Variants in SH3PXD2A observed in about 807,000 individuals in gnomAD.
SH3PXD2A encodes SH3 and PX domains 2A, also known as SH3 and PX domain-containing protein 2A.
SH3PXD2A carries 32 observed loss-of-function variants against 115.2 expected under a neutral mutation model. That is an observed-to-expected ratio of 0.28 (90% CI 0.21 to 0.37). The LOEUF (loss-of-function observed/expected upper bound fraction) is 0.37. Among genes scored for constraint, SH3PXD2A ranks in the 10% least tolerant of loss-of-function variants. The pLI is 1.00. For synonymous variants in SH3PXD2A, 610 were observed against 629.1 expected, an observed-to-expected ratio of 0.97 and a Z score of 0.45; for missense variants, 1,328 against 1,498.7, an observed-to-expected ratio of 0.89 and a Z score of 1.88.
At position 103,698,978 on chromosome 10, in the gene SH3PXD2A, C is replaced by T. The variant is rs116907027; in HGVS notation, c.399-5922G>A. Reference sequence around the variant, plus strand: ...CTGGGCAGTGAGGGTAGTGGGTGGACGGGCCAGGAAAGGCAAGGCTGAGCA... The same window carrying T: ...CTGGGCAGTGAGGGTAGTGGGTGGATGGGCCAGGAAAGGCAAGGCTGAGCA... On this transcript the variant is annotated intron_variant, in intron 5 of 14. Transcript: ENST00000369774. Among the ~76,000 whole-genome samples the T allele has an allele frequency of 3.3e-4, 50 of 152,084 alleles. No homozygotes were observed. The East Asian group carries it at 8.0e-3, about 24-fold the overall frequency.
At chr10:103,744,918 C>T (rs951175798) in intron 3 of SH3PXD2A, among the ~76,000 whole-genome samples, 1 of 152,210 alleles carries the variant, frequency 6.6e-6, no homozygotes, top group Non-Finnish European at 1.5e-5. Context: ...TATTACAGTG[C>T]CCGATTTTCT....
intron 8 of SH3PXD2A, among the ~76,000 whole-genome samples, chr10:103,636,672 T>A (rs959440728): frequency 6.6e-6 from 1 of 151,846 alleles, no homozygotes; most frequent in African/African-American, 2.4e-5. Context: ...AGGGCCAGAG[T>A]CAGGCCAGCT....
At chr10:103,696,142 G>GT in intron 5 of SH3PXD2A, among the ~76,000 whole-genome samples, 2 of 152,240 alleles carry the variant, frequency 1.3e-5, no homozygotes, top group Non-Finnish European at 1.5e-5. Flanking sequence ...GGTCCTGGCA[G>GT]TGGGGGTCAC....
intron 4 of SH3PXD2A, among the ~76,000 whole-genome samples, chr10:103,733,427 C>A (rs1169633770): frequency 1.3e-5 from 2 of 152,210 alleles, no homozygotes; most frequent in Non-Finnish European, 2.9e-5. Flanking sequence ...CCGCCCTATG[C>A]CCCCTCCTCC....
Position 103,784,421 on chromosome 10 carries a change from G to A in SH3PXD2A, c.153+16861C>T, listed in dbSNP as rs575705246. Among the ~76,000 whole-genome samples the A allele has an allele frequency of 3.2e-4, 48 of 152,354 alleles. 2 individuals are homozygous for A. The South Asian group carries it at 9.5e-3, about 30-fold the overall frequency. ...ACACGCAGACCCAAGGCAGGAGGAAGGGAATGTAGCATTGACCAGACACCT... is the reference window on the plus strand; with the variant it reads ...ACACGCAGACCCAAGGCAGGAGGAAAGGAATGTAGCATTGACCAGACACCT... On this transcript the variant is annotated intron_variant, in intron 2 of 14. Transcript: ENST00000369774. The surrounding 1 kb of genome is among the most constrained non-coding windows in gnomAD (Gnocchi z 4.4).
At position 103,770,613 on chromosome 10, in the gene SH3PXD2A, A is replaced by T. The variant is rs1314828778; in HGVS notation, c.154-3444T>A. On this transcript the variant is annotated intron_variant, in intron 2 of 14. Transcript: ENST00000369774. ...TTTGCTCTGGAGTCTGAGCTCAGAG[A>T]TTTGCTTTCGTTGAAAGCTGACCTG... 2.0e-5 allele frequency among the ~76,000 whole-genome samples: 3 copies of T among 152,094 alleles called. No homozygotes were observed. The East Asian group carries it at 5.8e-4, about 29-fold the overall frequency.
chr10:103,836,682 T>TACACACACACACAC lies in SH3PXD2A; in HGVS notation c.72+18499_72+18512dup, dbSNP rs55855121. On this transcript the variant is annotated intron_variant, in intron 1 of 14. Transcript: ENST00000369774. Reference sequence around the variant, plus strand: ...CACACACTCCACACTCACAGACATGTACACACACACACACACACACACACC... The same window carrying TACACACACACACAC: ...CACACACTCCACACTCACAGACATGTACACACACACACACACACACACACACACACACACACACC... Among the ~76,000 whole-genome samples the TACACACACACACAC allele has an allele frequency of 2.0e-3, 294 of 148,872 alleles. 1 individual carries two copies. Among genetic ancestry groups the TACACACACACACAC allele is most frequent in the African/African-American group, 6.0e-3 (243 of 40,446 alleles).
intron 2 of SH3PXD2A, among the ~76,000 whole-genome samples, chr10:103,793,750 A>T (rs1369092326): frequency 6.6e-6 from 1 of 152,224 alleles, no homozygotes; most frequent in African/African-American, 2.4e-5. Flanking sequence ...CTGTGGCCTC[A>T]TCGCTTTAGT....
intron 5 of SH3PXD2A, among the ~76,000 whole-genome samples, chr10:103,711,561 A>G (rs1306674118): frequency 2.6e-5 from 4 of 152,222 alleles, no homozygotes; most frequent in Non-Finnish European, 5.9e-5. Flanking sequence ...AGGGCCAGGC[A>G]GACCTCGTCC....
chr10:103,772,777 C>T (rs976503817), intron 2 of SH3PXD2A, among the ~76,000 whole-genome samples: 1 of 152,202 alleles, frequency 6.6e-6, no homozygotes, highest in Non-Finnish European at 1.5e-5. Context: ...CGGCTCCTCG[C>T]CCCTCCCAGA....
Position 103,787,755 on chromosome 10 carries a change from TC to T in SH3PXD2A, c.153+13526del, listed in dbSNP as rs111254565. Among the ~76,000 whole-genome samples the T allele has an allele frequency of 9.0e-3, 1,376 of 152,282 alleles. 24 individuals carry two copies. The highest frequency in any genetic ancestry group is 0.031 in the African/African-American group (1,305 of 41,574). On this transcript the variant is annotated intron_variant, in intron 2 of 14. Coordinates refer to ENST00000369774, the MANE Select transcript of SH3PXD2A (RefSeq NM_001394015.1). ...CTTAGCTCCAGCCCAAACACCAGCC[TC>T]ATTCTTCCTGTTTGGCAAAAAACAA... is the stretch of plus-strand genomic sequence containing the variant.
chr10:103,703,641 A>G (rs1228783736), intron 5 of SH3PXD2A, among the ~76,000 whole-genome samples: 1 of 152,236 alleles, frequency 6.6e-6, no homozygotes, highest in African/African-American at 2.4e-5. Context: ...AATAGTCTCT[A>G]TCTGTCCTGT....
intron 6 of SH3PXD2A, among the ~76,000 whole-genome samples, chr10:103,687,581 C>A (rs1382777007): frequency 6.6e-6 from 1 of 152,188 alleles, no homozygotes; most frequent in Non-Finnish European, 1.5e-5. Flanking sequence ...CCAGAGCCCA[C>A]ATCCTATCTC....
chr10:103,804,917 T>A (rs1213978255), intron 1 of SH3PXD2A, among the ~76,000 whole-genome samples: 2 of 152,132 alleles, frequency 1.3e-5, no homozygotes, highest in Non-Finnish European at 2.9e-5. Flanking sequence ...CCTGCATCTC[T>A]GCTTCCCACA....
At chr10:103,823,113 G>T (rs2039397535) in intron 1 of SH3PXD2A, among the ~76,000 whole-genome samples, 1 of 152,208 alleles carries the variant, frequency 6.6e-6, no homozygotes, top group Admixed American at 6.5e-5. Flanking sequence ...ATTCACAAAA[G>T]TGTGTCAAGT....
rs935415746 is a variant in SH3PXD2A at position 103,684,759 on chromosome 10, C to T, written c.427+8269G>A. On this transcript the variant is annotated intron_variant, in intron 6 of 14. Transcript: ENST00000369774. Reference sequence around the variant, plus strand: ...AAAAGGAAAATTAGGCTGTGTGCTGCGGTTCACACCTGTAATCCCAGCACT... The same window carrying T: ...AAAAGGAAAATTAGGCTGTGTGCTGTGGTTCACACCTGTAATCCCAGCACT... 4.6e-5 allele frequency among the ~76,000 whole-genome samples: 7 copies of T among 152,100 alleles called. 1 individual carries two copies. The highest frequency in any genetic ancestry group is 2.1e-4 in the South Asian group (1 of 4,808).
intron 12 of SH3PXD2A, 50 bp downstream of exon 12, chr10:103,612,803 T>G: frequency 2.2e-6 from 3 of 1,362,086 alleles, no homozygotes; most frequent in Non-Finnish European, 3.0e-6. Context: ...CCCATGCCCA[T>G]TCTCTAAGGA....
intron 1 of SH3PXD2A, among the ~76,000 whole-genome samples, chr10:103,854,493 G>A (rs571232598): frequency 6.6e-6 from 1 of 152,292 alleles, no homozygotes; most frequent in South Asian, 2.1e-4. Flanking sequence ...GGAAGGGGGA[G>A]GGGCGGTTCC....
intron 5 of SH3PXD2A, among the ~76,000 whole-genome samples, chr10:103,714,009 A>C (rs986951861): frequency 1.3e-5 from 2 of 152,214 alleles, no homozygotes; most frequent in African/African-American, 4.8e-5. Flanking sequence ...ACAAGAATGC[A>C]ACAGAGGAAG....
Sources: allele counts gnomAD v4.1 joint callset (sites outside exome capture counted in the v4.1 genomes callset), GRCh38; gene constraint gnomAD v4.1.1; non-coding constraint Gnocchi (gnomAD v3.1); transcripts MANE v1.5; gene names NCBI Gene and HGNC (gene_info 2026-07-23, HGNC 2026-07-21).